KCNMB2: variants seen among roughly 807,000 people sequenced by gnomAD.
The protein encoded by KCNMB2 is potassium calcium-activated channel subfamily M regulatory beta subunit 2, also known as calcium-activated potassium channel subunit beta-2.
Under a neutral mutation model 24.5 loss-of-function variants are expected in KCNMB2, and 9 were observed. The observed-to-expected ratio is 0.37, with a 90% CI of 0.22 to 0.64. The LOEUF (loss-of-function observed/expected upper bound fraction) is 0.64. KCNMB2 is among the 30% of genes least tolerant of loss of function. The probability of loss-of-function intolerance (pLI) is 0.63; values close to 1 mark genes in which losing one functional copy is unlikely to be tolerated. For synonymous variants in KCNMB2, 109 were observed against 104.4 expected (o/e 1.04, Z -0.27); for missense variants, 226 against 284.3 (o/e 0.79, Z 1.47).
At chr3:178,614,282 T>C (rs1718614014) in intron 1 of KCNMB2, among the ~76,000 whole-genome samples, 1 of 114,420 alleles carries the variant, frequency 8.7e-6, no homozygotes, top group Non-Finnish European at 1.8e-5. Context: ...TATATATATA[T>C]ATATATATAT....
At chr3:178,664,443 G>GTTTGTTTA (rs1560155056) in intron 1 of KCNMB2, among the ~76,000 whole-genome samples, 5 of 152,042 alleles carry the variant, frequency 3.3e-5, no homozygotes, top group Non-Finnish European at 4.4e-5. Context: ...AAACAACCTG[G>GTTTGTTTA]GCATGCACTC....
intron 1 of KCNMB2, among the ~76,000 whole-genome samples, chr3:178,720,007 T>G (rs990665355): frequency 6.6e-6 from 1 of 152,154 alleles, no homozygotes; most frequent in African/African-American, 2.4e-5. Flanking sequence ...TACTTTAAGT[T>G]TTAGGGTACA....
At position 178,682,210 on chromosome 3, in the gene KCNMB2, C is replaced by G. The variant is rs191288891; in HGVS notation, c.-67-125133C>G. On this transcript the variant is annotated intron_variant, in intron 1 of 4. Transcript: ENST00000452583. ...ATTTGGGAAATGTTACTTACTATTG[C>G]TAAATGTCAGTTTTTCATCTGTGAA... is the stretch of plus-strand genomic sequence containing the variant. 3.4e-4 allele frequency among the ~76,000 whole-genome samples: 52 copies of G among 152,260 alleles called. 1 individual carries two copies. The East Asian group carries it at 8.7e-3, about 25-fold the overall frequency.
intron 1 of KCNMB2, among the ~76,000 whole-genome samples, chr3:178,676,428 C>G (rs1224829649): frequency 1.3e-5 from 2 of 152,144 alleles, no homozygotes; most frequent in African/African-American, 2.4e-5. Context: ...GAGGGACCTT[C>G]ACCACTCTCC....
chr3:178,644,030 C>G (rs1277793341), intron 1 of KCNMB2, among the ~76,000 whole-genome samples: 3 of 152,344 alleles, frequency 2.0e-5, no homozygotes, highest in Middle Eastern at 3.4e-3. Flanking sequence ...GGCAAACCAG[C>G]ACATTAAATA....
intron 1 of KCNMB2, among the ~76,000 whole-genome samples, chr3:178,552,734 T>C (rs1278291750): frequency 1.3e-5 from 2 of 152,174 alleles, no homozygotes; most frequent in Non-Finnish European, 2.9e-5. Context: ...TTCTCTAAAT[T>C]ATAGGAATTC....
At chr3:178,695,162 G>A (rs1207273491) in intron 1 of KCNMB2, among the ~76,000 whole-genome samples, 1 of 152,256 alleles carries the variant, frequency 6.6e-6, no homozygotes, top group Admixed American at 6.5e-5. Context: ...ACCCTCTGAA[G>A]CTACAGCCCT....
At chr3:178,784,102 T>C (rs1577185498) in intron 1 of KCNMB2, among the ~76,000 whole-genome samples, 1 of 152,226 alleles carries the variant, frequency 6.6e-6, no homozygotes, top group East Asian at 1.9e-4. Context: ...CTATAGCCTA[T>C]GGGCAAAGAG....
In KCNMB2 at chr3:178,663,794, C is replaced by T. The variant is rs147620353; in HGVS notation, c.-68+127083C>T. Among the ~76,000 whole-genome samples, 443 of 152,222 alleles carry T rather than the reference C, an allele frequency of 2.9e-3. 1 individual carries two copies. The highest frequency in any genetic ancestry group is 0.01 in the African/African-American group (430 of 41,532). ...TAAAACTCATTCATCTGGGCTTTCC[C>T]TATAGGCATCTGGAAGCTTCTGAAG... is the stretch of plus-strand genomic sequence containing the variant. On this transcript the variant is annotated intron_variant, in intron 1 of 4. Coordinates refer to ENST00000452583, the MANE Select transcript of KCNMB2 (RefSeq NM_181361.3).
intron 1 of KCNMB2, among the ~76,000 whole-genome samples, chr3:178,621,712 A>T (rs9883644): frequency 0.36 from 55,252 of 152,010 alleles, 10,713 homozygotes; most frequent in African/African-American, 0.5. Flanking sequence ...CTTTACAAGG[A>T]TTATCTCCTT....
At chr3:178,695,315 G>C (rs1231389748) in intron 1 of KCNMB2, among the ~76,000 whole-genome samples, 3 of 152,188 alleles carry the variant, frequency 2.0e-5, no homozygotes, top group Non-Finnish European at 4.4e-5. Context: ...GTGATGGAAG[G>C]GTCTGCCATT....
rs199717973 is a variant in KCNMB2 at position 178,828,003 on chromosome 3, C to T, written c.228-175C>T. On this transcript the variant is annotated intron_variant, in intron 3 of 4. Coordinates refer to ENST00000452583, the MANE Select transcript of KCNMB2 (RefSeq NM_181361.3). ...CGTGTCCACGTTTGTCTATGTTATA[C>T]GGTAGTTTGCTTAAAGCTGTTCTAT... is the stretch of plus-strand genomic sequence containing the variant. 8.9e-4 allele frequency among the ~76,000 whole-genome samples: 135 copies of T among 152,274 alleles called. 3 individuals are homozygous for T. Among genetic ancestry groups the T allele is most frequent in the Admixed American group, 8.6e-3 (131 of 15,298 alleles).
chr3:178,767,725 T>C (rs888953286), intron 1 of KCNMB2, among the ~76,000 whole-genome samples: 1 of 152,226 alleles, frequency 6.6e-6, no homozygotes, highest in Non-Finnish European at 1.5e-5. Context: ...TGAGGTCAGA[T>C]GCCACAGCTG....
chr3:178,669,788 C>A (rs1226858751), intron 1 of KCNMB2, among the ~76,000 whole-genome samples: 2 of 151,892 alleles, frequency 1.3e-5, no homozygotes, highest in Non-Finnish European at 2.9e-5. Flanking sequence ...GGAAAAACAT[C>A]ATGGAAGGAA....
chr3:178,754,116 A>C (rs1226598137), intron 1 of KCNMB2, among the ~76,000 whole-genome samples: 1 of 147,710 alleles, frequency 6.8e-6, no homozygotes, highest in Non-Finnish European at 1.5e-5. Flanking sequence ...AAATAACAGG[A>C]TGCCCCCTTT....
intron 1 of KCNMB2, among the ~76,000 whole-genome samples, chr3:178,786,495 C>T: frequency 6.6e-6 from 1 of 151,988 alleles, no homozygotes; most frequent in Non-Finnish European, 1.5e-5. Context: ...AGTTTTGTGC[C>T]CAAGATGCCC....
chr3:178,562,860 A>G (rs1157260331), intron 1 of KCNMB2, among the ~76,000 whole-genome samples: 1 of 152,238 alleles, frequency 6.6e-6, no homozygotes, highest in Non-Finnish European at 1.5e-5. Flanking sequence ...CGGGACAAAG[A>G]CAGTAAGCAC....
At chr3:178,617,471 T>C (rs2108523413) in intron 1 of KCNMB2, among the ~76,000 whole-genome samples, 1 of 151,638 alleles carries the variant, frequency 6.6e-6, no homozygotes, top group East Asian at 1.9e-4. Flanking sequence ...GGCAGGAGAA[T>C]CGCTTGAACC....
intron 2 of KCNMB2, among the ~76,000 whole-genome samples, chr3:178,813,977 TTGTTGTTGCTGC>T (rs71181252): frequency 0.071 from 10,617 of 149,996 alleles, 442 homozygotes; most frequent in Non-Finnish European, 0.089. Context: ...GTTGTTGTTG[TTGTTGTTGCTGC>T]TGCTGCTGTT....
Sources: allele counts gnomAD v4.1 joint callset (sites outside exome capture counted in the v4.1 genomes callset), GRCh38; gene constraint gnomAD v4.1.1; transcripts MANE v1.5; gene names NCBI Gene and HGNC (gene_info 2026-07-23, HGNC 2026-07-21).